The following STPG2 variants were observed in gnomAD, a reference collection of about 807,000 sequenced individuals.
STPG2 encodes sperm tail PG-rich repeat containing 2.
A neutral mutation model predicts 54.2 loss-of-function variants in STPG2; 56 were observed. The ratio of observed to expected loss-of-function variants is 1.03; its 90% CI spans 0.83 to 1.29. The LOEUF (loss-of-function observed/expected upper bound fraction) is 1.29. Ranked by LOEUF, STPG2 falls within the 50% of genes most tolerant of loss-of-function variation. The pLI, the probability that STPG2 is intolerant of heterozygous loss-of-function variation, is 0.00. For synonymous variants in STPG2, 200 were observed against 181.8 expected (o/e 1.10, Z -0.81); for missense variants, 596 against 544.9 (o/e 1.09, Z -0.93).
intron 4 of STPG2, among the ~76,000 whole-genome samples, chr4:97,486,827 G>GTGTGTA (rs1553932783): frequency 7.6e-6 from 1 of 130,872 alleles, no homozygotes; most frequent in African/African-American, 3.1e-5. Flanking sequence ...GTGTGTGTGT[G>GTGTGTA]TGTATATATA....
At chr4:97,792,135 G>A (rs1193495486) in intron 9 of STPG2, among the ~76,000 whole-genome samples, 2 of 152,122 alleles carry the variant, frequency 1.3e-5, no homozygotes, top group East Asian at 3.9e-4. Flanking sequence ...ATTAAATAGA[G>A]TGATAAAGCC....
rs7663663 is a variant in STPG2, at chr4:97,954,440, T to C, written c.934-10433A>G. Reference sequence around the variant, plus strand: ...TGGGCCAGAATGACAAAATTGCACATTTGAGGAGCCTCAAAGCACATGGCC... The same window carrying C: ...TGGGCCAGAATGACAAAATTGCACACTTGAGGAGCCTCAAAGCACATGGCC... On this transcript the variant is annotated intron_variant, in intron 7 of 10. Coordinates refer to ENST00000295268, the MANE Select transcript of STPG2 (RefSeq NM_174952.3). 4.5e-3 allele frequency among the ~76,000 whole-genome samples: 679 copies of C among 152,320 alleles called. 2 individuals are homozygous for C. The highest frequency in any genetic ancestry group is 7.2e-3 in the Non-Finnish European group (490 of 68,022).
At chr4:97,529,542 G>C (rs533960226) in intron 4 of STPG2, among the ~76,000 whole-genome samples, 1 of 152,050 alleles carries the variant, frequency 6.6e-6, no homozygotes, top group Non-Finnish European at 1.5e-5. Context: ...GTTTGGAATC[G>C]TTTCAGCAGG....
At chr4:98,121,727 TTG>T (rs1021112378) in intron 3 of STPG2, among the ~76,000 whole-genome samples, 68 of 151,170 alleles carry the variant, frequency 4.5e-4, no homozygotes, top group African/African-American at 1.6e-3. Flanking sequence ...GTGATTTTTT[TTG>T]TGTGTGTGTG....
chr4:97,631,103 T>A (rs1304806202), intron 10 of STPG2, among the ~76,000 whole-genome samples: 20 of 151,952 alleles, frequency 1.3e-4, no homozygotes, highest in Admixed American at 1.3e-3. Context: ...ACTGCTTTCC[T>A]TTTTAAAGAA....
At chr4:97,451,532 G>A (rs1303607629) in intron 4 of STPG2, among the ~76,000 whole-genome samples, 2 of 152,030 alleles carry the variant, frequency 1.3e-5, no homozygotes, top group African/African-American at 2.4e-5. Flanking sequence ...TAACAGAAAA[G>A]ATTCAAAACT....
chr4:98,038,132 C>A (rs535099287), intron 5 of STPG2, among the ~76,000 whole-genome samples: 78 of 56,920 alleles, frequency 1.4e-3, no homozygotes, highest in Admixed American at 2.4e-3. Context: ...ACCTCAGCCT[C>A]CCAAGTACCT....
chr4:98,026,731 T>A (rs891102962), intron 5 of STPG2, among the ~76,000 whole-genome samples: 3 of 152,152 alleles, frequency 2.0e-5, no homozygotes, highest in Non-Finnish European at 4.4e-5. Context: ...TCCAGTGAGA[T>A]CTCAATCTTA....
rs533482062 is a variant in STPG2, at chr4:97,489,714, G to GTT, written c.462+222983_462+222984dup. 4.6e-5 allele frequency: 7 copies of GTT among 151,694 alleles called. No individual in the cohort carries two copies. The East Asian group carries it at 1.4e-3, about 30-fold the overall frequency. 9.4% of individuals were successfully genotyped at this position (151,694 alleles called of 1,614,324 possible). A position where few individuals can be genotyped will look rare whatever the true frequency, so the allele number is the denominator to read the frequency against. ...AGCATCTCTAAGTTTACCACTCGGG[G>GTT]TTTTCTCTTCATTTGAAATGTAAAC... On this transcript the variant is annotated intron_variant, in intron 4 of 4. Transcript: ENST00000522676.
intron 4 of STPG2, among the ~76,000 whole-genome samples, chr4:97,501,148 A>G (rs1225376361): frequency 1.3e-5 from 2 of 152,082 alleles, no homozygotes; most frequent in Non-Finnish European, 2.9e-5. Context: ...GTTCATGAAT[A>G]CTACCAAATA....
chr4:97,873,585 T>A (rs965063902), intron 8 of STPG2, among the ~76,000 whole-genome samples: 1 of 142,636 alleles, frequency 7.0e-6, no homozygotes, highest in African/African-American at 2.4e-5. Context: ...CTAAAAAATA[T>A]CATATCATAT....
chr4:97,515,326 C>A (rs1215567463), intron 4 of STPG2, among the ~76,000 whole-genome samples: 1 of 151,904 alleles, frequency 6.6e-6, no homozygotes, highest in Non-Finnish European at 1.5e-5. Context: ...ATTTGGGAAA[C>A]AATATTCTGG....
chr4:97,465,080 TGA>T, intron 4 of STPG2, among the ~76,000 whole-genome samples: 1 of 152,168 alleles, frequency 6.6e-6, no homozygotes, highest in East Asian at 1.9e-4. Context: ...AACTTGTTGG[TGA>T]GCTACTAGAG....
chr4:97,747,324 A>G (rs1490316665), intron 9 of STPG2, among the ~76,000 whole-genome samples: 1 of 151,374 alleles, frequency 6.6e-6, no homozygotes, highest in Admixed American at 6.6e-5. Flanking sequence ...TTATTAAGCA[A>G]CTTCTCTCAG....
At chr4:97,693,466 A>G (rs1418235699) in intron 10 of STPG2, among the ~76,000 whole-genome samples, 2 of 152,170 alleles carry the variant, frequency 1.3e-5, no homozygotes, top group African/African-American at 4.8e-5. Context: ...TAAAAGGACT[A>G]CTCTAAAAGG....
intron 10 of STPG2, among the ~76,000 whole-genome samples, chr4:97,670,973 A>T (rs1302559564): frequency 3.3e-5 from 5 of 152,172 alleles, no homozygotes; most frequent in African/African-American, 1.2e-4. Context: ...CCTGTATCCC[A>T]CTGCACTCTG....
At chr4:97,546,933 A>T (rs933950405) in intron 4 of STPG2, among the ~76,000 whole-genome samples, 14 of 152,202 alleles carry the variant, frequency 9.2e-5, no homozygotes, top group African/African-American at 3.4e-4. Context: ...ATGATGCAAT[A>T]AATATAGAAG....
intron 8 of STPG2, among the ~76,000 whole-genome samples, chr4:97,907,740 C>G (rs1397693021): frequency 1.3e-5 from 2 of 152,150 alleles, no homozygotes; most frequent in Non-Finnish European, 2.9e-5. Context: ...TGATCTTTGA[C>G]AAACCTCAGA....
intron 9 of STPG2, 39 bp downstream of exon 9, chr4:97,840,734 T>C (rs1457061580): frequency 6.4e-7 from 1 of 1,565,430 alleles, no homozygotes; most frequent in Non-Finnish European, 8.6e-7. Context: ...AACCTTAGAA[T>C]TTTTTTCCTC....
Sources: allele counts gnomAD v4.1 joint callset (sites outside exome capture counted in the v4.1 genomes callset), GRCh38; gene constraint gnomAD v4.1.1; transcripts MANE v1.5; gene names NCBI Gene and HGNC (gene_info 2026-07-23, HGNC 2026-07-21).